CDKAL1: variants seen among roughly 807,000 people sequenced by gnomAD.
CDKAL1 encodes the protein threonylcarbamoyladenosine tRNA methylthiotransferase.
CDKAL1 carries 32 observed loss-of-function variants against 68.2 expected under a neutral mutation model. That is an observed-to-expected ratio of 0.47 (90% CI 0.35 to 0.63). The LOEUF (loss-of-function observed/expected upper bound fraction) is 0.63, where lower values mean the gene tolerates loss of function less well. Among genes scored for constraint, CDKAL1 ranks in the 30% least tolerant of loss-of-function variants. CDKAL1 has a pLI of 0.00. For missense variants in CDKAL1, 606 were observed against 696.7 expected (o/e 0.87, Z 1.47); for synonymous variants, 234 against 244.3 (o/e 0.96, Z 0.39).
At chr6:21,134,426 CATTTT>C (rs1562059407) in intron 13 of CDKAL1, among the ~76,000 whole-genome samples, 1 of 152,120 alleles carries the variant, frequency 6.6e-6, no homozygotes. Context: ...TCATAAAACA[CATTTT>C]ATGTTTTATT....
intron 4 of CDKAL1, among the ~76,000 whole-genome samples, chr6:20,582,798 A>G (rs1765191397): frequency 6.6e-6 from 1 of 152,212 alleles, no homozygotes; most frequent in Non-Finnish European, 1.5e-5. Context: ...ATATTTGCCA[A>G]TGTGAGGCAA....
In CDKAL1 at chr6:20,824,213, G is replaced by C. The variant is rs150821371; in HGVS notation, c.639-21862G>C. On this transcript the variant is annotated intron_variant, in intron 8 of 15. Coordinates refer to ENST00000274695, the MANE Select transcript of CDKAL1 (RefSeq NM_017774.3). ...ATATGAAGCCTCTTGAACCTCTGGA[G>C]AGGACCATGTTCTTTTGAGCCACAG... is the stretch of plus-strand genomic sequence containing the variant. Among the ~76,000 whole-genome samples the C allele has an allele frequency of 3.0e-4, 46 of 152,260 alleles. No individual in the cohort carries two copies. In the East Asian group the frequency reaches 5.0e-3, roughly 17 times the overall value.
chr6:20,865,333 G>A (rs1343359858), intron 9 of CDKAL1, among the ~76,000 whole-genome samples: 1 of 152,106 alleles, frequency 6.6e-6, no homozygotes, highest in Admixed American at 6.6e-5. Context: ...CATCAGTTTG[G>A]ATCATTTTGA....
intron 9 of CDKAL1, among the ~76,000 whole-genome samples, chr6:20,921,699 A>G (rs1205018400): frequency 9.9e-5 from 15 of 152,198 alleles, no homozygotes; most frequent in Admixed American, 9.8e-4. Context: ...AGCAACTGGC[A>G]GTAACTACTA....
At chr6:20,632,169 C>A (rs1338543938) in intron 4 of CDKAL1, among the ~76,000 whole-genome samples, 1 of 152,112 alleles carries the variant, frequency 6.6e-6, no homozygotes, top group Admixed American at 6.5e-5. Context: ...TAGCTTAGCC[C>A]ATCCTCTCTT....
Position 20,850,227 on chromosome 6 carries a change from G to T in CDKAL1, c.742+4049G>T, listed in dbSNP as rs1018957639. 2.0e-5 allele frequency among the ~76,000 whole-genome samples: 3 copies of T among 151,970 alleles called. No individual in the cohort carries two copies. The East Asian group carries it at 5.8e-4, about 29-fold the overall frequency. ...ATGCCACCAATAAATTGTAGTACTA[G>T]GTTTAAAGCCACTCTGTGGATGGGA... On this transcript the variant is annotated intron_variant, in intron 9 of 15. Coordinates refer to ENST00000274695, the MANE Select transcript of CDKAL1 (RefSeq NM_017774.3).
chr6:20,854,078 G>A (rs1008520408), intron 9 of CDKAL1, among the ~76,000 whole-genome samples: 16 of 152,172 alleles, frequency 1.1e-4, no homozygotes, highest in Admixed American at 1.0e-3. Context: ...TAGGAATTAC[G>A]ATGAAAACCA....
chr6:20,952,536 G>A (rs1271689809), intron 9 of CDKAL1, among the ~76,000 whole-genome samples: 1 of 152,192 alleles, frequency 6.6e-6, no homozygotes, highest in African/African-American at 2.4e-5. Context: ...TATCTATCGT[G>A]AGCTGGAAGA....
intron 5 of CDKAL1, among the ~76,000 whole-genome samples, chr6:20,656,692 C>T (rs928610848): frequency 6.6e-6 from 1 of 151,992 alleles, no homozygotes; most frequent in Non-Finnish European, 1.5e-5. Flanking sequence ...TCAAATATAA[C>T]TTGTGTCAAT....
chr6:20,688,053 C>T (rs1033668879), intron 5 of CDKAL1, among the ~76,000 whole-genome samples: 2 of 151,860 alleles, frequency 1.3e-5, no homozygotes, highest in East Asian at 1.9e-4. Flanking sequence ...CTTTACCACT[C>T]GCTTGTATGG....
chr6:20,867,462 TTA>T (rs1471753504), intron 9 of CDKAL1, among the ~76,000 whole-genome samples: 2 of 152,196 alleles, frequency 1.3e-5, no homozygotes, highest in African/African-American at 2.4e-5. Context: ...AAAACACGAT[TTA>T]TGTTTGAAGT....
At chr6:20,583,405 T>C (rs1461564683) in intron 4 of CDKAL1, among the ~76,000 whole-genome samples, 1 of 152,236 alleles carries the variant, frequency 6.6e-6, no homozygotes, top group Non-Finnish European at 1.5e-5. Context: ...TTCTACCAAA[T>C]TGACTTTCAG....
chr6:20,555,156 A>T lies in CDKAL1; in HGVS notation c.286+6451A>T, dbSNP rs76786213. ...GTAAAGATATGAAATTGAACCAGCC[A>T]TGGATTCCAGCAGACAAGAAGTTTA... On this transcript the variant is annotated intron_variant, in intron 4 of 15. Coordinates refer to ENST00000274695, the MANE Select transcript of CDKAL1 (RefSeq NM_017774.3). 1.2e-4 allele frequency among the ~76,000 whole-genome samples: 18 copies of T among 152,358 alleles called. No individual in the cohort carries two copies. In the East Asian group the frequency reaches 2.3e-3, roughly 20 times the overall value.
intron 9 of CDKAL1, among the ~76,000 whole-genome samples, chr6:20,932,399 G>A (rs1763502077): frequency 6.6e-6 from 1 of 152,108 alleles, no homozygotes. Context: ...CCCATTTGAA[G>A]TTGTAACATA....
intron 4 of CDKAL1, among the ~76,000 whole-genome samples, chr6:20,613,328 G>T (rs529471869): frequency 8.0e-6 from 1 of 124,744 alleles, no homozygotes; most frequent in Non-Finnish European, 1.6e-5. Context: ...AGGCTAGAGT[G>T]CAGTGGCGTG....
intron 13 of CDKAL1, among the ~76,000 whole-genome samples, chr6:21,131,416 T>A (rs1254690929): frequency 1.3e-5 from 2 of 152,266 alleles, no homozygotes; most frequent in East Asian, 3.8e-4. Flanking sequence ...TCTGTATCAG[T>A]TTAATTTCAG....
intron 15 of CDKAL1, among the ~76,000 whole-genome samples, chr6:21,219,593 G>A (rs1332190943): frequency 6.6e-6 from 1 of 152,190 alleles, no homozygotes; most frequent in Non-Finnish European, 1.5e-5. Context: ...TCATTTATGA[G>A]ATTCTTTGAG....
chr6:20,670,405 A>G (rs557172165), intron 5 of CDKAL1, among the ~76,000 whole-genome samples: 2 of 152,102 alleles, frequency 1.3e-5, no homozygotes, highest in African/African-American at 2.4e-5. Context: ...AGTCAGAATG[A>G]TATTAAATCT....
At chr6:20,704,904 A>G (rs1012259019) in intron 5 of CDKAL1, among the ~76,000 whole-genome samples, 4 of 152,212 alleles carry the variant, frequency 2.6e-5, no homozygotes. Context: ...TTTGCAACAA[A>G]GAATATGAGG....
Sources: gnomAD v4.1 joint callset for allele counts (sites outside exome capture counted in the v4.1 genomes callset) on GRCh38, gnomAD v4.1.1 for gene constraint, MANE v1.5 for transcripts, NCBI Gene and HGNC (gene_info 2026-07-23, HGNC 2026-07-21) for gene names.